Variants in ZDHHC20 observed in about 807,000 individuals in gnomAD.
ZDHHC20 encodes the protein zDHHC palmitoyltransferase 20.
A neutral mutation model predicts 57.8 loss-of-function variants in ZDHHC20; 43 were observed. That is an observed-to-expected ratio of 0.74 (90% confidence interval 0.58 to 0.96). ZDHHC20 has a LOEUF of 0.96. ZDHHC20 is among the 40% of genes least tolerant of loss of function. The pLI is 0.00. For synonymous variants in ZDHHC20, 157 were observed against 153.0 expected (o/e 1.03, Z -0.19); for missense variants, 391 against 441.1 (o/e 0.89, Z 1.02).
intron 8 of ZDHHC20, chr13:21,390,283 T>C (rs1875435223): frequency 6.6e-6 from 1 of 152,236 alleles, no homozygotes; most frequent in African/African-American, 2.4e-5. Context: ...GTCTTGGTTA[T>C]GTTAGCAGAT....
intron 9 of ZDHHC20, among the ~76,000 whole-genome samples, chr13:21,386,039 G>A (rs1035000609): frequency 2.0e-5 from 3 of 152,158 alleles, no homozygotes; most frequent in African/African-American, 7.2e-5. Context: ...CAAAATTTCT[G>A]TTTAGAGGAA....
At chr13:21,438,795 G>A (rs9509706) in intron 1 of ZDHHC20, among the ~76,000 whole-genome samples, 13,525 of 152,128 alleles carry the variant, frequency 0.089, 654 homozygotes, top group Non-Finnish European at 0.099. Context: ...CAACAGATGC[G>A]GCAAACTTCG....
At chr13:21,391,989 A>G in intron 7 of ZDHHC20, 135 bp from the exon 8 acceptor site, 2 of 1,006,088 alleles carry the variant, frequency 2.0e-6, no homozygotes, top group South Asian at 1.7e-5. Flanking sequence ...ATATATCCCA[A>G]TGCAACAAGG....
chr13:21,380,803 A>G (rs1053985062), intron 11 of ZDHHC20, among the ~76,000 whole-genome samples: 2 of 150,712 alleles, frequency 1.3e-5, no homozygotes, highest in African/African-American at 4.9e-5. Context: ...AAAAAAAAAA[A>G]GAATAACGTT....
intron 9 of ZDHHC20, among the ~76,000 whole-genome samples, chr13:21,385,977 A>G (rs1272717926): frequency 6.6e-6 from 1 of 152,208 alleles, no homozygotes; most frequent in Non-Finnish European, 1.5e-5. Flanking sequence ...AAAACAAAAA[A>G]CAACAACAAA....
chr13:21,373,858 G>GT lies in ZDHHC20; in HGVS notation c.*2837dup, dbSNP rs1566051982. On this transcript the variant is annotated 3_prime_UTR_variant, in exon 13 of 13. Coordinates refer to ENST00000400590, the MANE Select transcript of ZDHHC20 (RefSeq NM_001330059.2). ...CCTTTGCTAGAATGGTCATTAATAC[G>GT]TATGAATCAGTTGAGCTAAATATTA... 1 of 152,246 alleles carries GT rather than the reference G, an allele frequency of 6.6e-6. No individual in the cohort carries two copies. The highest frequency in any genetic ancestry group is 2.1e-4 in the South Asian group (1 of 4,832). The allele number at this position is 152,246 out of a possible 1,614,324, so 9.4% of individuals were successfully genotyped here.
intron 2 of ZDHHC20, among the ~76,000 whole-genome samples, chr13:21,422,819 A>G (rs1481966179): frequency 6.6e-6 from 1 of 152,108 alleles, no homozygotes; most frequent in Non-Finnish European, 1.5e-5. Context: ...TGGCTGTGGA[A>G]TTCCTAAGAA....
intron 9 of ZDHHC20, among the ~76,000 whole-genome samples, chr13:21,385,632 T>C (rs1200935259): frequency 6.6e-6 from 1 of 152,060 alleles, no homozygotes; most frequent in East Asian, 1.9e-4. Context: ...ATTTAACATA[T>C]GTATACCCAA....
Position 21,391,742 on chromosome 13 carries a change from C to T in ZDHHC20, c.707G>A (p.Gly236Glu). The stretch of plus-strand genomic sequence containing the variant: ...CTTACCTATTGTTGTTCTATTTTTT[C>T]CAACTAGCCAGCAGTGGTAGCTGAA... ...SLFSYHCWLV[G>E]KNRTTIESFR... The change falls in exon 8 of 13, where the codon GGA becomes GAA. Residue 236 changes from glycine (G) to glutamate (E), a missense_variant. Around this residue, in one of 3 missense-constraint regions of ZDHHC20, gnomAD observed 197 missense variants for 220.8 expected, o/e 0.89. Coordinates refer to ENST00000400590, the MANE Select transcript of ZDHHC20 (RefSeq NM_001330059.2). 6.2e-7 allele frequency: 1 copy of T among 1,606,520 alleles called. No homozygotes were observed. Among genetic ancestry groups the T allele is most frequent in the South Asian group, 1.1e-5 (1 of 89,218 alleles).
intron 7 of ZDHHC20, among the ~76,000 whole-genome samples, chr13:21,399,145 C>A (rs1877256053): frequency 6.6e-6 from 1 of 152,072 alleles, no homozygotes; most frequent in African/African-American, 2.4e-5. Context: ...GAGCTCGAGA[C>A]CAGCCTCGCC....
intron 7 of ZDHHC20, among the ~76,000 whole-genome samples, chr13:21,397,998 C>T (rs1044076864): frequency 6.6e-6 from 1 of 152,114 alleles, no homozygotes; most frequent in African/African-American, 2.4e-5. Flanking sequence ...TGACTGCTTT[C>T]CATGTATTTA....
intron 11 of ZDHHC20, among the ~76,000 whole-genome samples, 170 bp from the exon 12 acceptor site, chr13:21,378,908 T>G (rs1286274453): frequency 1.3e-5 from 2 of 152,202 alleles, no homozygotes; most frequent in African/African-American, 4.8e-5. Flanking sequence ...AGTAAAGAGC[T>G]AACATTAGCA....
chr13:21,448,324 G>T (rs1593283316), intron 1 of ZDHHC20, among the ~76,000 whole-genome samples: 1 of 110,802 alleles, frequency 9.0e-6, no homozygotes, highest in Non-Finnish European at 2.1e-5. Context: ...GAGGTGGGGG[G>T]GTCAGCCCCC....
intron 9 of ZDHHC20, among the ~76,000 whole-genome samples, chr13:21,383,777 T>C (rs1873913357): frequency 6.6e-6 from 1 of 152,208 alleles, no homozygotes; most frequent in Non-Finnish European, 1.5e-5. Context: ...GGTATTATTT[T>C]AAGCACTACA....
At chr13:21,440,652 A>ATATATGTGTGTATATATATATATGTG (rs754122040) in intron 1 of ZDHHC20, among the ~76,000 whole-genome samples, 26,118 of 151,992 alleles carry the variant, frequency 0.17, 2,711 homozygotes, top group Non-Finnish European at 0.25. Flanking sequence ...GTGTGTGTAT[A>ATATATGTGTGTATATATATATATGTG]TATATATATG....
At chr13:21,386,016 C>G (rs1874404471) in intron 9 of ZDHHC20, among the ~76,000 whole-genome samples, 2 of 152,086 alleles carry the variant, frequency 1.3e-5, no homozygotes, top group African/African-American at 2.4e-5. Flanking sequence ...TCACTGTTTA[C>G]AGAAAATAAC....
intron 9 of ZDHHC20, among the ~76,000 whole-genome samples, chr13:21,384,974 C>G (rs1460950162): frequency 1.3e-5 from 2 of 151,248 alleles, no homozygotes; most frequent in African/African-American, 4.9e-5. Context: ...AAAAAAAAGT[C>G]AATAGAAAAA....
intron 7 of ZDHHC20, among the ~76,000 whole-genome samples, chr13:21,394,498 T>G (rs1208966771): frequency 2.0e-5 from 3 of 152,202 alleles, no homozygotes; most frequent in Non-Finnish European, 4.4e-5. Flanking sequence ...TGCCCGTTTT[T>G]TCAGAGATAT....
chr13:21,391,044 A>G (rs938559724), intron 8 of ZDHHC20, among the ~76,000 whole-genome samples: 12 of 152,046 alleles, frequency 7.9e-5, no homozygotes, highest in African/African-American at 2.9e-4. Flanking sequence ...TCCCTTATAG[A>G]TTAATTTTTT....
Sources: gnomAD v4.1 joint callset for allele counts (sites outside exome capture counted in the v4.1 genomes callset) on GRCh38, gnomAD v4.1.1 for gene constraint, gnomAD v4.1.1 regional missense constraint, MANE v1.5 for transcripts, NCBI Gene and HGNC (gene_info 2026-07-23, HGNC 2026-07-21) for gene names.